Variants in LRTM3 observed in about 807,000 individuals in gnomAD.
LRTM3 encodes leucine rich repeat transmembrane protein 3.
chr13:102,756,673 T>TA, the LRTM3 span, among the ~76,000 whole-genome samples: 827 of 66,398 alleles, frequency 0.012, 10 homozygotes, highest in East Asian at 0.038. Context: ...AAACTCTGTC[T>TA]AAAAAAAAAA....
chr13:102,745,378 T>C, the LRTM3 span: 1 of 1,550,660 alleles, frequency 6.4e-7, no homozygotes, highest in Admixed American at 2.0e-5. Flanking sequence ...CTTTTTCTGT[T>C]TCTACCTTGC....
chr13:102,731,710 T>G, the LRTM3 span: 1 of 1,551,406 alleles, frequency 6.4e-7, no homozygotes, highest in Non-Finnish European at 8.7e-7. Flanking sequence ...CTGCAACTAT[T>G]TTGACTTCGC....
the LRTM3 span, among the ~76,000 whole-genome samples, chr13:102,752,324 G>A: frequency 1.3e-5 from 2 of 152,052 alleles, no homozygotes; most frequent in Non-Finnish European, 2.9e-5. Flanking sequence ...ACAGCTTATT[G>A]ACTATGAGTA....
chr13:102,732,023 G>C, the LRTM3 span: 1 of 1,551,290 alleles, frequency 6.4e-7, no homozygotes, highest in Non-Finnish European at 8.7e-7. Context: ...GTTTGCTTCT[G>C]ATTTGACATT....
the LRTM3 span, among the ~76,000 whole-genome samples, chr13:102,756,689 A>C: frequency 6.8e-5 from 7 of 103,396 alleles, no homozygotes; most frequent in Admixed American, 4.4e-4. Flanking sequence ...AAAAAAAAAA[A>C]AAAAAACAAA....
chr13:102,732,607 G>A, the LRTM3 span: 6 of 1,551,086 alleles, frequency 3.9e-6, no homozygotes, highest in Non-Finnish European at 5.2e-6. Context: ...TTAGGCGGCT[G>A]TTCTCCCTAT....
At chr13:102,730,701 A>C in the LRTM3 span, 2 of 1,551,958 alleles carry the variant, frequency 1.3e-6, no homozygotes. Flanking sequence ...GTATCAATGG[A>C]AAGACTACCA....
the LRTM3 span, chr13:102,738,483 T>A: frequency 3.2e-6 from 5 of 1,550,748 alleles, no homozygotes; most frequent in Non-Finnish European, 4.4e-6. Context: ...TGTTCTATCC[T>A]TTTCTCTTGC....
chr13:102,747,916 G>A, the LRTM3 span: 1 of 1,551,200 alleles, frequency 6.4e-7, no homozygotes, highest in Non-Finnish European at 8.7e-7. Flanking sequence ...TTAGATGTAT[G>A]CTGAACCTGA....
At chr13:102,747,154 T>C in the LRTM3 span, 3 of 1,550,942 alleles carry the variant, frequency 1.9e-6, no homozygotes, top group South Asian at 2.4e-5. Flanking sequence ...TAATGAAATA[T>C]GGATACTTTT....
the LRTM3 span, chr13:102,743,495 G>C: frequency 6.5e-7 from 1 of 1,548,504 alleles, no homozygotes; most frequent in African/African-American, 1.4e-5. Context: ...CTGTGAAATT[G>C]GTGGTTTCTT....
At chr13:102,746,475 G>A in the LRTM3 span, 11 of 1,550,456 alleles carry the variant, frequency 7.1e-6, no homozygotes, top group East Asian at 1.7e-4. Context: ...AGACATTCAG[G>A]TACCAATCCT....
the LRTM3 span, among the ~76,000 whole-genome samples, chr13:102,755,962 T>TATATA: frequency 7.6e-4 from 43 of 56,658 alleles, 1 homozygote; most frequent in African/African-American, 2.4e-3. Flanking sequence ...TATATATATA[T>TATATA]TTTTTTTTTT....
the LRTM3 span, among the ~76,000 whole-genome samples, chr13:102,751,342 T>TACACACACACACAC: frequency 2.1e-5 from 3 of 141,998 alleles, no homozygotes; most frequent in African/African-American, 7.9e-5. Context: ...TCTCTCTTTA[T>TACACACACACACAC]ACACACACAC....
the LRTM3 span, chr13:102,730,214 G>A: frequency 9.0e-6 from 14 of 1,551,164 alleles, 1 homozygote; most frequent in South Asian, 1.5e-4. Flanking sequence ...CAAATCAGTC[G>A]TGATTTTGTA....
chr13:102,748,991 A>C, the LRTM3 span: 12 of 1,550,854 alleles, frequency 7.7e-6, no homozygotes, highest in Middle Eastern at 5.0e-4. Flanking sequence ...ACATTTTATT[A>C]AACCCGGCAT....
chr13:102,743,674 A>G, the LRTM3 span: 1 of 1,549,894 alleles, frequency 6.5e-7, no homozygotes, highest in Non-Finnish European at 8.7e-7. Context: ...CTGTAATATG[A>G]CCATGATTTT....
chr13:102,737,066 C>T, the LRTM3 span: 6 of 1,551,112 alleles, frequency 3.9e-6, no homozygotes, highest in South Asian at 1.2e-5. Flanking sequence ...TAGTACTTCT[C>T]TAGTTTTTGA....
At chr13:102,732,796 T>C in the LRTM3 span, 1 of 1,551,410 alleles carries the variant, frequency 6.4e-7, no homozygotes, top group East Asian at 2.4e-5. Flanking sequence ...CTATTTTTAA[T>C]TTCCCTTCTT....
Sources: allele counts gnomAD v4.1 joint callset (sites outside exome capture counted in the v4.1 genomes callset), GRCh38; gene constraint gnomAD v4.1.1; transcripts MANE v1.5; gene names NCBI Gene and HGNC (gene_info 2026-07-23, HGNC 2026-07-21).